Variants in INTS1 observed in about 807,000 individuals in gnomAD.
The protein encoded by INTS1 is integrator complex subunit 1.
INTS1 carries 137 observed loss-of-function variants against 241.6 expected under a neutral mutation model. That is an observed-to-expected ratio of 0.57 (90% confidence interval 0.49 to 0.65). The LOEUF is 0.65. Among genes scored for constraint, INTS1 ranks in the 30% least tolerant of loss-of-function variants. The pLI, the probability that INTS1 is intolerant of heterozygous loss-of-function variation, is 0.00. For missense variants in INTS1, 3,073 were observed against 3,032.2 expected, an observed-to-expected ratio of 1.01 and a Z score of -0.32; for synonymous variants, 1,692 against 1,337.8, an observed-to-expected ratio of 1.26 and a Z score of -5.78.
rs759145401 is a variant in INTS1 at position 1,478,892 on chromosome 7, G to A, written c.4330-7C>T. ...TGTCCTGTGGCACACAGCGCTGCGGGGACAAAGTGGCACGTGGCTACCCTG... is the reference window on the plus strand; with the variant it reads ...TGTCCTGTGGCACACAGCGCTGCGGAGACAAAGTGGCACGTGGCTACCCTG... On this transcript the variant is annotated splice_region_variant and splice_polypyrimidine_tract_variant and intron_variant, in intron 31 of 47. Coordinates refer to ENST00000404767, the MANE Select transcript of INTS1 (RefSeq NM_001080453.3). The A allele has an allele frequency of 1.3e-6, 2 of 1,590,656 alleles. No individual in the cohort carries two copies. The highest frequency in any genetic ancestry group is 1.1e-5 in the South Asian group (1 of 90,166).
intron 24 of INTS1, 22 bp downstream of exon 24, chr7:1,485,076 C>A: frequency 1.3e-6 from 2 of 1,554,814 alleles, no homozygotes; most frequent in Non-Finnish European, 1.7e-6. Flanking sequence ...GGCCACACTG[C>A]TGGCTGACCC....
rs748401311 is a variant in INTS1, at chr7:1,495,488, G to A, written c.1777C>T (p.Leu593Phe). ...CTGATGGAGGGGACCACAGTGTGGA[G>A]CCACCAGACGGCATCCCGCTGGATG... ...AAIQRDAVWW[L>F]HTVVPSISKL... The change falls in exon 13 of 48, where the codon CTC becomes TTC. Residue 593 changes from leucine (L) to phenylalanine (F), a missense_variant. Coordinates refer to ENST00000404767, the MANE Select transcript of INTS1 (RefSeq NM_001080453.3). 6.2e-7 allele frequency: 1 copy of A among 1,612,698 alleles called. No individual in the cohort carries two copies. Among genetic ancestry groups the A allele is most frequent in the Non-Finnish European group, 8.5e-7 (1 of 1,179,732 alleles).
chr7:1,489,682 C>T lies in INTS1; in HGVS notation c.2166G>A (p.Gly722=), dbSNP rs779258128. The T allele has an allele frequency of 1.2e-5, 18 of 1,536,128 alleles. No individual in the cohort carries two copies. In the African/African-American group the frequency reaches 1.9e-4, roughly 16 times the overall value. ...AGATGGCGAGGTTCGGAGGCTGGTACCTGGAAGGCAGGGGCGCCCCGACTC... is the reference window on the plus strand; with the variant it reads ...AGATGGCGAGGTTCGGAGGCTGGTATCTGGAAGGCAGGGGCGCCCCGACTC... ...HHPENIQLPP[G]YQPPNLAIST... is the part of the protein sequence containing the mutation. The change falls in exon 17 of 48, where the codon GGG becomes GGA. Residue 722 remains glycine, a splice_region_variant and synonymous_variant. Coordinates refer to ENST00000404767, the MANE Select transcript of INTS1 (RefSeq NM_001080453.3).
rs749108089 is a variant in INTS1 at position 1,486,908 on chromosome 7, T to C, written c.2826+14A>G. 9.8e-7 allele frequency: 1 copy of C among 1,016,316 alleles called. No individual in the cohort carries two copies. Among genetic ancestry groups the C allele is most frequent in the South Asian group, 1.3e-5 (1 of 75,004 alleles). The allele number at this position is 1,016,316 out of a possible 1,614,324, so 63.0% of individuals were successfully genotyped here. A position where few individuals can be genotyped will look rare whatever the true frequency, so the allele number is the denominator to read the frequency against. ...GGTGAGAGGCGGGGGGGCTGAGGGG[T>C]GGGCGGCCCTGACCTGCCGCTTCTT... On this transcript the variant is annotated intron_variant, in intron 21 of 47. Coordinates refer to ENST00000404767, the MANE Select transcript of INTS1 (RefSeq NM_001080453.3).
intron 32 of INTS1, 107 bp downstream of exon 32, chr7:1,478,618 AC>A (rs201374449): frequency 6.7e-6 from 10 of 1,485,338 alleles, no homozygotes; most frequent in Non-Finnish European, 9.0e-6. Flanking sequence ...GCGGGTACCC[AC>A]CCCCCAAGCC....
In INTS1 at chr7:1,496,328, G is replaced by A. The variant is rs1483553273; in HGVS notation, c.1603-64C>T. 5.1e-5 allele frequency: 33 copies of A among 648,052 alleles called. No individual in the cohort carries two copies. The East Asian group carries it at 5.2e-4, about 10-fold the overall frequency. 40.1% of individuals were successfully genotyped at this position (648,052 alleles called of 1,614,324 possible). ...CCCGGGAGCCCCACTCCACACCCAC[G>A]TGGGCGCGGCACGGGGTCTGTATCC... is the stretch of plus-strand genomic sequence containing the variant. On this transcript the variant is annotated intron_variant, in intron 11 of 47. Coordinates refer to ENST00000404767, the MANE Select transcript of INTS1 (RefSeq NM_001080453.3).
chr7:1,496,706 C>T (rs537739978), intron 11 of INTS1, among the ~76,000 whole-genome samples: 1 of 152,288 alleles, frequency 6.6e-6, no homozygotes, highest in Non-Finnish European at 1.5e-5. Flanking sequence ...GTCCGCAAAA[C>T]AGGCCACCCC....
chr7:1,496,745 G>A (rs983224526), intron 11 of INTS1, among the ~76,000 whole-genome samples: 1 of 152,142 alleles, frequency 6.6e-6, no homozygotes, highest in African/African-American at 2.4e-5. Context: ...TGGCTGCAGG[G>A]ACCTGGCATC....
chr7:1,492,015 G>A (rs1401782876), intron 16 of INTS1, among the ~76,000 whole-genome samples: 2 of 152,202 alleles, frequency 1.3e-5, no homozygotes, highest in Non-Finnish European at 2.9e-5. Context: ...TGGAGACTAG[G>A]AACCGTCACT....
At chr7:1,496,549 T>TAC (rs1228354359) in intron 11 of INTS1, among the ~76,000 whole-genome samples, 2 of 151,494 alleles carry the variant, frequency 1.3e-5, no homozygotes, top group East Asian at 3.9e-4. Context: ...TGCGCACACA[T>TAC]ACACACACAC....
chr7:1,485,236 C>T (rs1173451103), intron 23 of INTS1, 34 bp from the exon 24 acceptor site: 1 of 1,597,802 alleles, frequency 6.3e-7, no homozygotes, highest in Non-Finnish European at 8.5e-7. Flanking sequence ...GGCAACAGGG[C>T]AGGGCTGCGG....
intron 13 of INTS1, 124 bp downstream of exon 13, chr7:1,495,309 A>C: frequency 1.7e-6 from 2 of 1,152,346 alleles, no homozygotes; most frequent in Non-Finnish European, 2.4e-6. Flanking sequence ...GGTGTGGGGC[A>C]GGGGCTGTGC....
intron 24 of INTS1, 151 bp downstream of exon 24, chr7:1,484,947 C>T (rs1027511526): frequency 1.1e-5 from 6 of 568,746 alleles, no homozygotes; most frequent in African/African-American, 3.9e-5. Flanking sequence ...GTGCTGACCC[C>T]GTCCCCTCCC....
Position 1,481,026 on chromosome 7 carries a change from C to T in INTS1, c.3851-93G>A, listed in dbSNP as rs1781969901. On this transcript the variant is annotated intron_variant, in intron 28 of 47. Coordinates refer to ENST00000404767, the MANE Select transcript of INTS1 (RefSeq NM_001080453.3). This position sits in a 1 kb window ranked among gnomAD's most constrained non-coding sequence, Gnocchi z 6.8. The stretch of plus-strand genomic sequence containing the variant: ...CAGAAACCAGAGTTGGAGATGCCCC[C>T]ACCGTCACCAGCACTTCCCAAGGAC... The T allele has an allele frequency of 6.6e-6, 6 of 903,352 alleles. No individual in the cohort carries two copies. The South Asian group carries it at 9.1e-5, about 14-fold the overall frequency. The allele number at this position is 903,352 out of a possible 1,614,324, so 56.0% of individuals were successfully genotyped here.
intron 3 of INTS1, among the ~76,000 whole-genome samples, chr7:1,502,054 C>T (rs1783206628): frequency 6.6e-6 from 1 of 152,168 alleles, no homozygotes; most frequent in Admixed American, 6.5e-5. Context: ...CAGCCTGGTC[C>T]CTCCCTGAGG....
At chr7:1,474,567 C>A in intron 40 of INTS1, 138 bp downstream of exon 40, 1 of 1,303,602 alleles carries the variant, frequency 7.7e-7, no homozygotes, top group South Asian at 1.5e-5. Flanking sequence ...TCCTGACTTC[C>A]CCCGGTCAAG....
chr7:1,476,364 T>C lies in INTS1; in HGVS notation c.5243A>G (p.Gln1748Arg), dbSNP rs1406839510. The C allele has an allele frequency of 6.3e-7, 1 of 1,576,292 alleles. No individual in the cohort carries two copies. The highest frequency in any genetic ancestry group is 8.6e-7 in the Non-Finnish European group (1 of 1,165,000). Residue 1748 changes from glutamine to arginine, a missense_variant, in exon 38 of 48, where the codon CAG becomes CGG. By Grantham distance (43) the Gln-to-Arg change is conservative. Coordinates refer to ENST00000404767, the MANE Select transcript of INTS1 (RefSeq NM_001080453.3). ...LILAEAETRS[Q>R]DGDTAACSLI... ...GCTGCAGGCGGCTGTGTCCCCGTCC[T>C]GGCTCCGCGTCTCCGCCTCGGCCAG... is the stretch of plus-strand genomic sequence containing the variant.
Position 1,497,005 on chromosome 7 carries a change from TCA to T in INTS1, c.1602+131_1602+132del. ...CTGGGACGCGTCACCGCAAACAGCC[TCA>T]CTCATCCCCGTACCCACGCTCAGCC... On this transcript the variant is annotated intron_variant, in intron 11 of 47. Transcript: ENST00000404767. The surrounding 1 kb of genome is among the most constrained non-coding windows in gnomAD (Gnocchi z 5.3). 1.1e-6 allele frequency: 1 copy of T among 910,954 alleles called. No individual in the cohort carries two copies. Among genetic ancestry groups the T allele is most frequent in the Non-Finnish European group, 1.6e-6 (1 of 621,220 alleles). The allele number at this position is 910,954 out of a possible 1,614,324, so 56.4% of individuals were successfully genotyped here. A position where few individuals can be genotyped will look rare whatever the true frequency, so the allele number is the denominator to read the frequency against.
chr7:1,478,036 G>A, intron 33 of INTS1, 100 bp from the exon 34 acceptor site: 3 of 1,000,198 alleles, frequency 3.0e-6, no homozygotes, highest in Non-Finnish European at 4.6e-6. Context: ...GTGAGCATGT[G>A]TGGGACACAA....
Sources: allele counts gnomAD v4.1 joint callset (sites outside exome capture counted in the v4.1 genomes callset), GRCh38; gene constraint gnomAD v4.1.1; non-coding constraint Gnocchi (gnomAD v3.1); transcripts MANE v1.5; gene names NCBI Gene and HGNC (gene_info 2026-07-23, HGNC 2026-07-21).